The following SPPL2A variants were observed in gnomAD, a reference collection of about 807,000 sequenced individuals.
SPPL2A encodes signal peptide peptidase like 2A, also known as signal peptide peptidase-like 2A.
Under a neutral mutation model 63.8 loss-of-function variants are expected in SPPL2A, and 51 were observed. The observed-to-expected ratio is 0.80, with a 90% confidence interval of 0.64 to 1.01. The LOEUF is 1.01. Among genes scored for constraint, SPPL2A ranks in the 50% least tolerant of loss-of-function variants. SPPL2A has a pLI of 0.00. For synonymous variants in SPPL2A, 188 were observed against 205.8 expected (o/e 0.91, Z 0.74); for missense variants, 553 against 622.7 (o/e 0.89, Z 1.19).
At chr15:50,739,629 A>G in intron 6 of SPPL2A, 51 bp downstream of exon 6, 1 of 1,264,328 alleles carries the variant, frequency 7.9e-7, no homozygotes, top group Non-Finnish European at 1.1e-6. Context: ...AGTAATAGTC[A>G]GTGAAAAGAA....
chr15:50,717,234 G>A (rs1308653604), intron 14 of SPPL2A, among the ~76,000 whole-genome samples: 1 of 152,148 alleles, frequency 6.6e-6, no homozygotes, highest in East Asian at 1.9e-4. Flanking sequence ...GAGTGCAGTG[G>A]TGCAATCATG....
At chr15:50,761,835 G>A (rs545631578) in intron 1 of SPPL2A, among the ~76,000 whole-genome samples, 6 of 152,086 alleles carry the variant, frequency 3.9e-5, no homozygotes, top group African/African-American at 1.4e-4. Flanking sequence ...GGGAGACTGA[G>A]GCAGGAGAAT....
At chr15:50,715,000 GT>G (rs563526076) in intron 14 of SPPL2A, among the ~76,000 whole-genome samples, 5 of 149,728 alleles carry the variant, frequency 3.3e-5, no homozygotes, top group African/African-American at 1.2e-4. Context: ...TTTTTTTGGT[GT>G]TTTTTTTTGT....
rs1023869038 is a variant in SPPL2A, at chr15:50,704,648, A to T, written c.*3152T>A. On this transcript the variant is annotated 3_prime_UTR_variant, in exon 15 of 15. Transcript: ENST00000261854. ...GTTATTGGTGGTGGGAGGGCAAGAG[A>T]GGAAGAGATGGCAGCTTTTTAAGTG... is the stretch of plus-strand genomic sequence containing the variant. The T allele has an allele frequency of 1.3e-5, 2 of 152,120 alleles. No individual in the cohort carries two copies. Among genetic ancestry groups the T allele is most frequent in the African/African-American group, 4.8e-5 (2 of 41,434 alleles). The allele number at this position is 152,120 out of a possible 1,614,324, so 9.4% of individuals were successfully genotyped here.
chr15:50,747,139 G>A (rs2062864730), intron 5 of SPPL2A, among the ~76,000 whole-genome samples: 1 of 152,134 alleles, frequency 6.6e-6, no homozygotes, highest in Non-Finnish European at 1.5e-5. Flanking sequence ...ACCCAGCCCA[G>A]GAGGAGCTGA....
At position 50,705,356 on chromosome 15, in the gene SPPL2A, AAATT is replaced by A. The variant is rs1596371220; in HGVS notation, c.*2440_*2443del. On this transcript the variant is annotated 3_prime_UTR_variant, in exon 15 of 15. Transcript: ENST00000261854. ...CTCCATTTCCAAAAAAAAAAAAAAG[AAATT>A]AATTATCTCATTTCGATGTAGTAAA... The A allele has an allele frequency of 1.3e-5, 2 of 151,280 alleles. No homozygotes were observed. Among genetic ancestry groups the A allele is most frequent in the Admixed American group, 6.6e-5 (1 of 15,138 alleles). 9.4% of individuals were successfully genotyped at this position (151,280 alleles called of 1,614,324 possible).
intron 8 of SPPL2A, among the ~76,000 whole-genome samples, chr15:50,733,894 C>G (rs1004670619): frequency 6.6e-6 from 1 of 151,798 alleles, no homozygotes; most frequent in African/African-American, 2.4e-5. Flanking sequence ...AAATAACCAA[C>G]AGATATATGA....
Position 50,765,360 on chromosome 15 carries a change from G to A in SPPL2A, c.66+108C>T, listed in dbSNP as rs1424705049. ...GAGGAGTGCGAGAGCAGGCCGCGGA[G>A]GTGCGGGCAGAGGGGAGGCCGGGCG... On this transcript the variant is annotated intron_variant, in intron 1 of 14. Coordinates refer to ENST00000261854, the MANE Select transcript of SPPL2A (RefSeq NM_032802.4). 8 of 749,874 alleles carry A rather than the reference G, an allele frequency of 1.1e-5. No individual in the cohort carries two copies. The East Asian group carries it at 1.7e-4, about 16-fold the overall frequency. 46.5% of individuals were successfully genotyped at this position (749,874 alleles called of 1,614,324 possible). A position where few individuals can be genotyped will look rare whatever the true frequency, so the allele number is the denominator to read the frequency against.
At chr15:50,744,414 A>G (rs2062843094) in intron 5 of SPPL2A, among the ~76,000 whole-genome samples, 1 of 152,196 alleles carries the variant, frequency 6.6e-6, no homozygotes, top group Admixed American at 6.5e-5. Context: ...AGTTACAAAT[A>G]AGATCTTTTA....
chr15:50,712,679 CTT>C (rs1555440537), intron 14 of SPPL2A, among the ~76,000 whole-genome samples: 61 of 102,940 alleles, frequency 5.9e-4, no homozygotes, highest in Admixed American at 2.0e-3. Flanking sequence ...CTCCCCCCCC[CTT>C]TTTTTTTTTT....
At position 50,725,451 on chromosome 15, in the gene SPPL2A, G is replaced by A. The variant is rs867638809; in HGVS notation, c.1147-128C>T. 36 of 598,262 alleles carry A rather than the reference G, an allele frequency of 6.0e-5. No homozygotes were observed. The Middle Eastern group carries it at 1.9e-3, about 31-fold the overall frequency. The allele number at this position is 598,262 out of a possible 1,614,324, so 37.1% of individuals were successfully genotyped here. ...ATTTATTTTTTGGAGACAGAGTCTC[G>A]CTCTGTCGCCCAAGTGGAGTGCAGT... On this transcript the variant is annotated intron_variant, in intron 11 of 14. Coordinates refer to ENST00000261854, the MANE Select transcript of SPPL2A (RefSeq NM_032802.4).
chr15:50,749,229 C>T (rs2053947355), intron 2 of SPPL2A, among the ~76,000 whole-genome samples: 1 of 152,112 alleles, frequency 6.6e-6, no homozygotes, highest in Admixed American at 6.6e-5. Flanking sequence ...ATGATCCTCC[C>T]ATCTTGACAT....
intron 5 of SPPL2A, 57 bp from the exon 6 acceptor site, chr15:50,739,885 AT>A: frequency 1.7e-6 from 2 of 1,194,452 alleles, no homozygotes; most frequent in Non-Finnish European, 2.3e-6. Flanking sequence ...TATTTAAAAA[AT>A]TTATCTCTAA....
At chr15:50,711,754 C>G (rs914170909) in intron 14 of SPPL2A, among the ~76,000 whole-genome samples, 1 of 152,134 alleles carries the variant, frequency 6.6e-6, no homozygotes, top group African/African-American at 2.4e-5. Context: ...TTGCACTCAA[C>G]TCTATTATCA....
At position 50,720,251 on chromosome 15, in the gene SPPL2A, T is replaced by G. The variant is rs1380185931; in HGVS notation, c.1328-151A>C. The G allele has an allele frequency of 8.4e-6, 5 of 593,894 alleles. No homozygotes were observed. In the Admixed American group the frequency reaches 1.7e-4, roughly 21 times the overall value. The allele number at this position is 593,894 out of a possible 1,614,324, so 36.8% of individuals were successfully genotyped here. ...ATTTCATCATTTTCCTAGATAGGAT[T>G]AGGAGACATCTTCTATGGAGCTTTT... On this transcript the variant is annotated intron_variant, in intron 13 of 14. Coordinates refer to ENST00000261854, the MANE Select transcript of SPPL2A (RefSeq NM_032802.4).
At chr15:50,731,595 A>C (rs1484679132) in intron 9 of SPPL2A, among the ~76,000 whole-genome samples, 1 of 151,830 alleles carries the variant, frequency 6.6e-6, no homozygotes, top group Non-Finnish European at 1.5e-5. Context: ...GTCATGTTAA[A>C]GATTTTATGA....
intron 13 of SPPL2A, among the ~76,000 whole-genome samples, chr15:50,721,337 C>T (rs2062644814): frequency 6.6e-6 from 1 of 152,056 alleles, no homozygotes. Context: ...TCTGGCCAGC[C>T]ACTGTGCCCA....
At chr15:50,752,181 A>G (rs2062913583) in intron 1 of SPPL2A, among the ~76,000 whole-genome samples, 1 of 152,126 alleles carries the variant, frequency 6.6e-6, no homozygotes, top group Non-Finnish European at 1.5e-5. Context: ...ATCTTTTAGT[A>G]TCAGTAGAGA....
At chr15:50,758,265 G>T (rs1009097830) in intron 1 of SPPL2A, among the ~76,000 whole-genome samples, 7 of 148,670 alleles carry the variant, frequency 4.7e-5, no homozygotes, top group African/African-American at 1.7e-4. Context: ...CTCCAGCCTG[G>T]GCGACAGAGC....
Sources: gnomAD v4.1 joint callset for allele counts (sites outside exome capture counted in the v4.1 genomes callset) on GRCh38, gnomAD v4.1.1 for gene constraint, MANE v1.5 for transcripts, NCBI Gene and HGNC (gene_info 2026-07-23, HGNC 2026-07-21) for gene names.